HADHB: variants seen among roughly 807,000 people sequenced by gnomAD.
The protein encoded by HADHB is trifunctional enzyme subunit beta, mitochondrial.
In HADHB, 50 loss-of-function variants were observed where a neutral mutation model predicts 61.9. The observed-to-expected ratio is 0.81, with a 90% CI of 0.64 to 1.02. The LOEUF is 1.02. Ranked by LOEUF, HADHB falls within the 50% of genes least tolerant of loss-of-function variation. HADHB has a pLI of 0.00. For missense variants in HADHB, 504 were observed against 586.5 expected (o/e 0.86, Z 1.45); for synonymous variants, 191 against 201.6 (o/e 0.95, Z 0.45).
chr2:26,248,686 A>G (rs926324060), intron 1 of HADHB, among the ~76,000 whole-genome samples: 2 of 152,230 alleles, frequency 1.3e-5, no homozygotes, highest in Non-Finnish European at 2.9e-5. Flanking sequence ...AGAATTATAT[A>G]TTAACCATAT....
At chr2:26,258,245 A>AGCTCCCAAGATGGGGCAGGCG (rs1671712029) in intron 3 of HADHB, among the ~76,000 whole-genome samples, 3 of 152,068 alleles carry the variant, frequency 2.0e-5, no homozygotes, top group Non-Finnish European at 4.4e-5. Flanking sequence ...TTGTTCTTAG[A>AGCTCCCAAGATGGGGCAGGCG]GCTCCCAAGA....
chr2:26,257,128 T>C (rs926151146), intron 3 of HADHB, among the ~76,000 whole-genome samples: 3 of 150,670 alleles, frequency 2.0e-5, no homozygotes, highest in Non-Finnish European at 1.5e-5. Context: ...TTTTTTTTTT[T>C]CTTTTTTTTT....
intron 4 of HADHB, among the ~76,000 whole-genome samples, chr2:26,267,506 T>C (rs1415910781): frequency 6.6e-6 from 1 of 152,152 alleles, no homozygotes; most frequent in Admixed American, 6.5e-5. Flanking sequence ...CTGATATAAA[T>C]AAGTGAATAA....
chr2:26,269,167 A>C (rs541713672), intron 4 of HADHB, among the ~76,000 whole-genome samples: 5 of 150,364 alleles, frequency 3.3e-5, no homozygotes, highest in African/African-American at 1.2e-4. Flanking sequence ...AAAAAAAAAC[A>C]GCAGGGGGAA....
intron 4 of HADHB, among the ~76,000 whole-genome samples, chr2:26,264,137 G>A (rs1671971798): frequency 1.3e-5 from 2 of 152,104 alleles, no homozygotes; most frequent in South Asian, 4.1e-4. Flanking sequence ...TTTTGAATAG[G>A]TAGTTGCCAG....
intron 1 of HADHB, among the ~76,000 whole-genome samples, chr2:26,247,592 A>G (rs190710956): frequency 6.6e-6 from 1 of 152,178 alleles, no homozygotes; most frequent in Non-Finnish European, 1.5e-5. Flanking sequence ...TGTGAGTTCT[A>G]CATCCTCAGA....
At chr2:26,276,119 G>A (rs1474556405) in intron 6 of HADHB, among the ~76,000 whole-genome samples, 1 of 152,080 alleles carries the variant, frequency 6.6e-6, no homozygotes, top group Admixed American at 6.5e-5. Flanking sequence ...AACAAAAATG[G>A]AATCAGACGT....
At chr2:26,273,775 T>C in intron 6 of HADHB, 25 bp downstream of exon 6, 1 of 1,133,630 alleles carries the variant, frequency 8.8e-7, no homozygotes, top group Non-Finnish European at 1.3e-6. Context: ...CTTTATGTTG[T>C]TTAAAGAGTG....
rs1558341591 is a variant in HADHB at position 26,253,867 on chromosome 2, AATAAAT to A, written c.-8-378_-8-373del. ...AAACTCCATCTCAAAAAAATAAATA[AATAAAT>A]AAATAAATAAATAAATAAATAAATA... On this transcript the variant is annotated intron_variant, in intron 1 of 15. Coordinates refer to ENST00000317799, the MANE Select transcript of HADHB (RefSeq NM_000183.3). 3.5e-4 allele frequency among the ~76,000 whole-genome samples: 52 copies of A among 148,338 alleles called. 1 individual carries two copies. Among genetic ancestry groups the A allele is most frequent in the Non-Finnish European group, 6.0e-4 (40 of 67,114 alleles).
chr2:26,274,635 T>C (rs1000679620), intron 6 of HADHB, among the ~76,000 whole-genome samples: 2 of 152,228 alleles, frequency 1.3e-5, no homozygotes, highest in African/African-American at 4.8e-5. Flanking sequence ...AGGAAGAGAT[T>C]TTATTTCCCT....
intron 5 of HADHB, 94 bp from the exon 6 acceptor site, chr2:26,273,557 T>C: frequency 1.3e-6 from 1 of 763,998 alleles, no homozygotes; most frequent in East Asian, 2.5e-5. Context: ...AATTCAAGGC[T>C]AACCTTTTTC....
At chr2:26,276,101 T>C (rs1374389512) in intron 6 of HADHB, among the ~76,000 whole-genome samples, 1 of 152,198 alleles carries the variant, frequency 6.6e-6, no homozygotes, top group Non-Finnish European at 1.5e-5. Flanking sequence ...GCATTAATTA[T>C]TTACATAAAC....
At chr2:26,285,356 T>C in intron 14 of HADHB, 51 bp from the exon 15 acceptor site, 1 of 1,522,896 alleles carries the variant, frequency 6.6e-7, no homozygotes. Flanking sequence ...CCTAGCTTGA[T>C]TCTGATCTTA....
chr2:26,279,528 G>A (rs988444562), intron 9 of HADHB, among the ~76,000 whole-genome samples: 2 of 151,798 alleles, frequency 1.3e-5, no homozygotes, highest in Non-Finnish European at 2.9e-5. Flanking sequence ...TAAGATCTGA[G>A]CACTAATCTC....
At chr2:26,289,606 C>T (rs867542220) in intron 15 of HADHB, among the ~76,000 whole-genome samples, 1 of 151,984 alleles carries the variant, frequency 6.6e-6, no homozygotes, top group African/African-American at 2.4e-5. Context: ...GAGCCTGATG[C>T]ATATATGTAT....
chr2:26,268,963 A>G (rs1284518234), intron 4 of HADHB, among the ~76,000 whole-genome samples: 2 of 152,102 alleles, frequency 1.3e-5, no homozygotes, highest in South Asian at 4.1e-4. Context: ...CGTGGCCAAC[A>G]TGGTGAAATC....
chr2:26,287,232 G>A (rs534285139), intron 15 of HADHB, among the ~76,000 whole-genome samples: 2 of 152,126 alleles, frequency 1.3e-5, no homozygotes, highest in Admixed American at 6.5e-5. Context: ...TAAATCTTAC[G>A]TTTAAAAGCC....
rs894288423 is a variant in HADHB, at chr2:26,284,936, C to A, written c.1203C>A (p.Asn401Lys). 2 of 1,584,974 alleles carry A rather than the reference C, an allele frequency of 1.3e-6. No homozygotes were observed. The highest frequency in any genetic ancestry group is 1.3e-5 in the African/African-American group (1 of 74,342). ...TGGATTCTGATTGGTTTGCAGAAAACTACATGGGTAGAAAAACCAAGGTGA... is the reference window on the plus strand; with the variant it reads ...TGGATTCTGATTGGTTTGCAGAAAAATACATGGGTAGAAAAACCAAGGTGA... ...KAMDSDWFAE[N>K]YMGRKTKVGL... The change falls in exon 14 of 16, where the codon AAC becomes AAA. Residue 401 changes from asparagine to lysine, a missense_variant. Asn to Lys is a moderately conservative substitution (Grantham distance 94, BLOSUM62 0). Transcript: ENST00000317799.
chr2:26,273,297 T>A (rs1439319012), intron 5 of HADHB, among the ~76,000 whole-genome samples: 1 of 152,142 alleles, frequency 6.6e-6, no homozygotes, highest in African/African-American at 2.4e-5. Flanking sequence ...GACTTTGCTT[T>A]ATCTCTTTGA....
Sources: gnomAD v4.1 joint callset for allele counts (sites outside exome capture counted in the v4.1 genomes callset) on GRCh38, gnomAD v4.1.1 for gene constraint, MANE v1.5 for transcripts, NCBI Gene and HGNC (gene_info 2026-07-23, HGNC 2026-07-21) for gene names.